ZFP2: variants seen among roughly 807,000 people sequenced by gnomAD.
The protein encoded by ZFP2 is ZFP2 zinc finger protein.
ZFP2 carries 33 observed loss-of-function variants against 36.1 expected under a neutral mutation model. That is an observed-to-expected ratio of 0.92 (90% CI 0.69 to 1.22). ZFP2 has a LOEUF of 1.22. ZFP2 is among the 50% of genes most tolerant of loss of function. The pLI, the probability that ZFP2 is intolerant of heterozygous loss-of-function variation, is 0.00. For synonymous variants in ZFP2, 170 were observed against 178.0 expected (o/e 0.96, Z 0.36); for missense variants, 522 against 551.4 (o/e 0.95, Z 0.53).
chr5:178,900,338 C>A (rs1230823366), intron 1 of ZFP2, among the ~76,000 whole-genome samples: 5 of 148,898 alleles, frequency 3.4e-5, no homozygotes, highest in African/African-American at 1.3e-4. Context: ...CCACGTCCCC[C>A]TCCCCAGCCA....
intron 4 of ZFP2, among the ~76,000 whole-genome samples, chr5:178,929,268 C>A (rs186052177): frequency 3.9e-5 from 6 of 152,362 alleles, no homozygotes; most frequent in Admixed American, 1.3e-4. Context: ...ATTTCTGCAG[C>A]CTGCTTGAAT....
intron 1 of ZFP2, among the ~76,000 whole-genome samples, chr5:178,901,190 G>A (rs1199215526): frequency 6.6e-6 from 1 of 152,070 alleles, no homozygotes; most frequent in Admixed American, 6.6e-5. Flanking sequence ...AAATACCTAG[G>A]TCAAGTGTAC....
intron 1 of ZFP2, among the ~76,000 whole-genome samples, chr5:178,910,775 C>A (rs1496949): frequency 0.61 from 93,347 of 151,856 alleles, 28,857 homozygotes; most frequent in African/African-American, 0.63. Flanking sequence ...GCGGGTCCAA[C>A]CCTCCTACCA....
At chr5:178,915,619 G>GTTT (rs10625590) in intron 3 of ZFP2, 79 of 148,456 alleles carry the variant, frequency 5.3e-4, no homozygotes, top group Middle Eastern at 3.5e-3. Context: ...CAGCTCACTT[G>GTTT]TTTTTTTTTT....
intron 4 of ZFP2, among the ~76,000 whole-genome samples, chr5:178,930,305 T>C (rs959303503): frequency 1.0e-4 from 15 of 145,468 alleles, no homozygotes; most frequent in Non-Finnish European, 2.1e-4. Context: ...TTCTTTTTTT[T>C]TCCCTTTCCT....
rs187464578 is a variant in ZFP2, at chr5:178,904,996, C to T, written c.-449-7588C>T. On this transcript the variant is annotated intron_variant, in intron 1 of 4. Transcript: ENST00000361362. ...GATTACAGGAGTGAGCCACTGCGCC[C>T]GGCCCATTTTGGTATTTCGTAAAGC... is the stretch of plus-strand genomic sequence containing the variant. Among the ~76,000 whole-genome samples, 169 of 152,140 alleles carry T rather than the reference C, an allele frequency of 1.1e-3. 1 individual carries two copies. Among genetic ancestry groups the T allele is most frequent in the African/African-American group, 3.3e-3 (136 of 41,498 alleles).
chr5:178,915,322 C>T (rs3986658), intron 3 of ZFP2, among the ~76,000 whole-genome samples: 3,380 of 72,834 alleles, frequency 0.046, 156 homozygotes, highest in Middle Eastern at 0.081. Context: ...GTTTTTCTTT[C>T]TTTTTTTTTT....
At chr5:178,911,756 T>C (rs1758302963) in intron 1 of ZFP2, among the ~76,000 whole-genome samples, 1 of 152,216 alleles carries the variant, frequency 6.6e-6, no homozygotes, top group African/African-American at 2.4e-5. Context: ...TGTCCTTAAA[T>C]GATGAAAACC....
intron 1 of ZFP2, among the ~76,000 whole-genome samples, chr5:178,908,174 C>T (rs540140005): frequency 1.1e-4 from 17 of 152,182 alleles, no homozygotes; most frequent in East Asian, 3.9e-4. Context: ...ACTGGCTGGG[C>T]GCAGTGGCTC....
At chr5:178,912,038 C>T (rs1445904032) in intron 1 of ZFP2, among the ~76,000 whole-genome samples, 1 of 152,076 alleles carries the variant, frequency 6.6e-6, no homozygotes, top group East Asian at 1.9e-4. Flanking sequence ...GAGGCTGAGG[C>T]AGAAGAATTT....
At chr5:178,918,478 C>G (rs1246785507) in intron 4 of ZFP2, among the ~76,000 whole-genome samples, 1 of 152,224 alleles carries the variant, frequency 6.6e-6, no homozygotes, top group Non-Finnish European at 1.5e-5. Flanking sequence ...ATCCCACACA[C>G]CCATACTGTG....
intron 4 of ZFP2, among the ~76,000 whole-genome samples, chr5:178,918,046 G>A (rs914381750): frequency 1.3e-5 from 2 of 152,026 alleles, no homozygotes; most frequent in Non-Finnish European, 2.9e-5. Context: ...AATTGCAGAC[G>A]TTTTCTCTCA....
rs961030 is a variant in ZFP2, at chr5:178,932,135, A to G, written c.822A>G (p.Gln274=). 0.32 allele frequency: 522,914 copies of G among 1,613,686 alleles called. 86,302 individuals are homozygous for G. Among genetic ancestry groups the G allele is most frequent in the South Asian group, 0.42 (38,176 of 91,002 alleles). The change falls in exon 5 of 5, where the codon CAA becomes CAG. Residue 274 remains glutamine (Q), a synonymous_variant. Transcript: ENST00000361362. ...HTGEKPYECS[Q]CGKAFSKSST... ...GAGAAAAACCCTATGAGTGTAGTCA[A>G]TGTGGAAAAGCCTTTAGTAAGAGCT... is the stretch of plus-strand genomic sequence containing the variant.
chr5:178,918,180 T>A (rs943655675), intron 4 of ZFP2, among the ~76,000 whole-genome samples: 1 of 152,240 alleles, frequency 6.6e-6, no homozygotes, highest in African/African-American at 2.4e-5. Flanking sequence ...TTTTTCTGTT[T>A]ATTGCTATAT....
intron 1 of ZFP2, among the ~76,000 whole-genome samples, chr5:178,902,662 A>G (rs182364310): frequency 8.9e-4 from 135 of 152,330 alleles, no homozygotes; most frequent in African/African-American, 2.8e-3. Flanking sequence ...TCAGAATTCA[A>G]AAATAAGCAT....
At chr5:178,910,515 T>A (rs1293736134) in intron 1 of ZFP2, 14 of 586,748 alleles carry the variant, frequency 2.4e-5, no homozygotes, top group Non-Finnish European at 6.3e-6. Context: ...GCACCCTGCC[T>A]GCTGTGTGAC....
At chr5:178,910,399 C>T (rs1758268893) in intron 1 of ZFP2, 1 of 905,062 alleles carries the variant, frequency 1.1e-6, no homozygotes, top group African/African-American at 1.6e-5. Context: ...CTCCCACCAT[C>T]TCCTGAGGAT....
intron 1 of ZFP2, chr5:178,909,607 G>T: frequency 8.3e-7 from 1 of 1,200,612 alleles, no homozygotes. Flanking sequence ...GTGTGAAGTA[G>T]AAACTATCCT....
intron 4 of ZFP2, among the ~76,000 whole-genome samples, chr5:178,926,423 A>G (rs34703769): frequency 6.6e-6 from 1 of 152,138 alleles, no homozygotes; most frequent in Admixed American, 6.5e-5. Context: ...AATACATAGC[A>G]CCTTAAATGT....
Sources: gnomAD v4.1 joint callset for allele counts (sites outside exome capture counted in the v4.1 genomes callset) on GRCh38, gnomAD v4.1.1 for gene constraint, MANE v1.5 for transcripts, NCBI Gene and HGNC (gene_info 2026-07-23, HGNC 2026-07-21) for gene names.